The following MAN1B1 variants were observed in gnomAD, a reference collection of about 807,000 sequenced individuals.
The protein encoded by MAN1B1 is endoplasmic reticulum mannosyl-oligosaccharide 1,2-alpha-mannosidase.
A neutral mutation model predicts 75.5 loss-of-function variants in MAN1B1; 66 were observed. The ratio of observed to expected loss-of-function variants is 0.87; its 90% confidence interval spans 0.72 to 1.07. MAN1B1 has a LOEUF of 1.07. MAN1B1 is among the 50% of genes least tolerant of loss of function. The pLI is 0.00. For synonymous variants in MAN1B1, 453 were observed against 382.8 expected (o/e 1.18, Z -2.14); for missense variants, 973 against 912.5 (o/e 1.07, Z -0.85).
At chr9:137,106,420 G>GGC in intron 9 of MAN1B1, 105 bp downstream of exon 9, 3 of 1,131,178 alleles carry the variant, frequency 2.7e-6, no homozygotes, top group Non-Finnish European at 3.7e-6. Context: ...GCTGCCCCCC[G>GGC]CCACACTGTG....
chr9:137,108,148 T>C, intron 12 of MAN1B1: 2 of 612,432 alleles, frequency 3.3e-6, no homozygotes, highest in Non-Finnish European at 5.8e-6. Context: ...TGAGGCCCCC[T>C]GAGCCCAGGT....
chr9:137,092,483 C>T (rs1458968841), intron 3 of MAN1B1, among the ~76,000 whole-genome samples: 1 of 150,006 alleles, frequency 6.7e-6, no homozygotes, highest in Non-Finnish European at 1.5e-5. Flanking sequence ...TTTTTTTATG[C>T]ACATGAGAAT....
In MAN1B1 at chr9:137,106,758, T is replaced by G. The variant is rs1449600284; in HGVS notation, c.1515T>G (p.Ser505Arg). ...RTHLLRHSEP[S>R]KLTFVGELAH... The stretch of plus-strand genomic sequence containing the variant: ...ACCTGCTGCGGCACTCCGAGCCCAG[T>G]AAGCTCACCTTTGTGGGGGAGCTTG... Residue 505 changes from serine (S) to arginine (R), a missense_variant, in exon 10 of 13, where the codon AGT (serine) becomes AGG (arginine). Ser to Arg is a moderately radical substitution (Grantham distance 110, BLOSUM62 -1). Coordinates refer to ENST00000371589, the MANE Select transcript of MAN1B1 (RefSeq NM_016219.5). 6.2e-7 allele frequency: 1 copy of G among 1,613,214 alleles called. No homozygotes were observed. Among genetic ancestry groups the G allele is most frequent in the Non-Finnish European group, 8.5e-7 (1 of 1,179,952 alleles).
chr9:137,092,067 C>G (rs1417342132), intron 3 of MAN1B1, among the ~76,000 whole-genome samples: 1 of 152,160 alleles, frequency 6.6e-6, no homozygotes, highest in African/African-American at 2.4e-5. Flanking sequence ...TCTTGAAACA[C>G]TTGGTATATG....
intron 3 of MAN1B1, among the ~76,000 whole-genome samples, chr9:137,092,428 G>C (rs1830540658): frequency 6.6e-6 from 1 of 152,076 alleles, no homozygotes; most frequent in Admixed American, 6.6e-5. Context: ...GGATACACAC[G>C]TGTGTACGTA....
chr9:137,107,734 GC>G lies in MAN1B1; in HGVS notation c.1896+73del, dbSNP rs760089046. 7.5e-6 allele frequency: 12 copies of G among 1,606,346 alleles called. No individual in the cohort carries two copies. In the Admixed American group the frequency reaches 2.0e-4, roughly 27 times the overall value. On this transcript the variant is annotated intron_variant, in intron 12 of 12. Transcript: ENST00000371589. ...GGCACGGCTGGGCTGTGGGGCTCAGGCTGGCTCCGCTCTTGGTGGTGGCTGT... is the reference window on the plus strand; with the variant it reads ...GGCACGGCTGGGCTGTGGGGCTCAGGTGGCTCCGCTCTTGGTGGTGGCTGT...
chr9:137,092,913 G>A (rs1305060982), intron 3 of MAN1B1, among the ~76,000 whole-genome samples: 3 of 152,136 alleles, frequency 2.0e-5, no homozygotes, highest in African/African-American at 7.2e-5. Flanking sequence ...CCTTTGATGA[G>A]TCTTAGGACT....
chr9:137,106,069 C>G (rs766565037), intron 8 of MAN1B1, 56 bp from the exon 9 acceptor site: 1 of 1,422,956 alleles, frequency 7.0e-7, no homozygotes, highest in Admixed American at 1.7e-5. Flanking sequence ...CCCTCTACAG[C>G]TCACCCTGCA....
At chr9:137,106,625 C>T in intron 9 of MAN1B1, 64 bp from the exon 10 acceptor site, 1 of 1,609,618 alleles carries the variant, frequency 6.2e-7, no homozygotes, top group Non-Finnish European at 8.5e-7. Flanking sequence ...TGTGCCTGTC[C>T]CTGGTGCCCC....
At chr9:137,090,313 TG>T (rs1464449104) in intron 3 of MAN1B1, among the ~76,000 whole-genome samples, 1 of 152,152 alleles carries the variant, frequency 6.6e-6, no homozygotes, top group East Asian at 1.9e-4. Flanking sequence ...GAGCTTCACC[TG>T]TGGCCAGAGT....
chr9:137,088,410 TA>T, intron 2 of MAN1B1: 1 of 1,573,766 alleles, frequency 6.4e-7, no homozygotes, highest in Non-Finnish European at 8.6e-7. Context: ...TAAGTACTGA[TA>T]TGTCCAGCCT....
intron 3 of MAN1B1, among the ~76,000 whole-genome samples, chr9:137,090,248 G>C (rs1830481677): frequency 6.6e-6 from 1 of 152,184 alleles, no homozygotes; most frequent in Admixed American, 6.5e-5. Context: ...TAGGGTGTTA[G>C]TTACTGTTGT....
rs1831147302 is a variant in MAN1B1 at position 137,107,306 on chromosome 9, G to C, written c.1623G>C (p.Leu541=). The change falls in exon 11 of 13, where the codon CTG becomes CTC. Residue 541 remains leucine, a synonymous_variant. Coordinates refer to ENST00000371589, the MANE Select transcript of MAN1B1 (RefSeq NM_016219.5). ...TGGCTCTGGGCGTCTACCACGGCCTGCCCGCCAGCCACATGGAGCTGGCCC... is the reference window on the plus strand; with the variant it reads ...TGGCTCTGGGCGTCTACCACGGCCTCCCCGCCAGCCACATGGAGCTGGCCC... ...GTLALGVYHG[L]PASHMELAQE... is the part of the protein sequence containing the mutation. The C allele has an allele frequency of 6.2e-7, 1 of 1,613,010 alleles. No individual in the cohort carries two copies. The highest frequency in any genetic ancestry group is 1.7e-5 in the Admixed American group (1 of 60,014).
At chr9:137,107,489 C>T (rs760438295) in intron 11 of MAN1B1, 42 bp downstream of exon 11, 15 of 1,612,898 alleles carry the variant, frequency 9.3e-6, no homozygotes, top group African/African-American at 4.0e-5. Context: ...GAGGAGGGTG[C>T]TGGCAGGGCT....
At chr9:137,101,274 G>A in intron 7 of MAN1B1, 121 bp downstream of exon 7, 1 of 1,358,404 alleles carries the variant, frequency 7.4e-7, no homozygotes, top group African/African-American at 1.4e-5. Flanking sequence ...ACTGGAGTCT[G>A]TTTCTGAGCT....
chr9:137,102,842 ACT>A (rs1830906809), intron 8 of MAN1B1: 2 of 288,090 alleles, frequency 6.9e-6, no homozygotes, highest in Non-Finnish European at 1.3e-5. Flanking sequence ...ACACATTCAC[ACT>A]GTTGCAGGCG....
Position 137,101,601 on chromosome 9 carries a change from G to A in MAN1B1, c.1183G>A (p.Val395Met). The change falls in exon 8 of 13, where the codon GTG (valine) becomes ATG (methionine). Residue 395 changes from valine (V) to methionine (M), a missense_variant. Transcript: ENST00000371589. ...HPPRWTSDST[V>M]AEVTSIQLEF... ...GCCACGGTGGACCTCCGACAGCACT[G>A]TGGCCGAGGTGACCAGCATTCAGCT... 1 of 1,613,830 alleles carries A rather than the reference G, an allele frequency of 6.2e-7. No homozygotes were observed. The highest frequency in any genetic ancestry group is 1.3e-5 in the African/African-American group (1 of 75,068).
chr9:137,088,379 C>G (rs1305516087), intron 2 of MAN1B1, 196 bp downstream of exon 2: 5 of 1,585,226 alleles, frequency 3.2e-6, no homozygotes, highest in Non-Finnish European at 4.3e-6. Flanking sequence ...TGCTGTCTGA[C>G]TACTTTCTAG....
intron 2 of MAN1B1, 83 bp from the exon 3 acceptor site, chr9:137,088,786 C>T (rs1167043392): frequency 3.5e-6 from 5 of 1,422,806 alleles, no homozygotes; most frequent in Non-Finnish European, 4.9e-6. Context: ...ATGGATAGTG[C>T]CTGCCAAGTG....
Sources: gnomAD v4.1 joint callset for allele counts (sites outside exome capture counted in the v4.1 genomes callset) on GRCh38, gnomAD v4.1.1 for gene constraint, MANE v1.5 for transcripts, NCBI Gene and HGNC (gene_info 2026-07-23, HGNC 2026-07-21) for gene names.